The following NCOA6 variants were observed in gnomAD, a reference collection of about 807,000 sequenced individuals.
NCOA6 encodes nuclear receptor coactivator 6, also known as NRC RAP250.
A neutral mutation model predicts 171.4 loss-of-function variants in NCOA6; 49 were observed. The ratio of observed to expected loss-of-function variants is 0.29; its 90% CI spans 0.23 to 0.36. NCOA6 has a LOEUF of 0.36. NCOA6 is among the 10% of genes least tolerant of loss of function. NCOA6 has a pLI of 1.00. For missense variants in NCOA6, 2,248 were observed against 2,554.5 expected, an observed-to-expected ratio of 0.88 and a Z score of 2.59; for synonymous variants, 910 against 927.5, an observed-to-expected ratio of 0.98 and a Z score of 0.34.
intron 1 of NCOA6, among the ~76,000 whole-genome samples, chr20:34,800,180 T>G (rs1288932981): frequency 6.6e-6 from 1 of 152,078 alleles, no homozygotes; most frequent in African/African-American, 2.4e-5. Flanking sequence ...GGTTATGAGA[T>G]ATTATTTGCA....
At chr20:34,748,091 C>T (rs2076358440) in intron 9 of NCOA6, among the ~76,000 whole-genome samples, 2 of 151,950 alleles carry the variant, frequency 1.3e-5, no homozygotes, top group African/African-American at 2.4e-5. Flanking sequence ...AATTTGTAGA[C>T]CTAAGTAACC....
intron 1 of NCOA6, among the ~76,000 whole-genome samples, chr20:34,805,592 A>G (rs1478135758): frequency 6.6e-6 from 1 of 152,118 alleles, no homozygotes; most frequent in Non-Finnish European, 1.5e-5. Context: ...TAAACATGAG[A>G]ATGTAGATGT....
At position 34,742,666 on chromosome 20, in the gene NCOA6, A is replaced by C. The variant is rs773884651; in HGVS notation, c.3590T>G (p.Phe1197Cys). 452 of 1,613,922 alleles carry C rather than the reference A, an allele frequency of 2.8e-4. 1 individual carries two copies. Among genetic ancestry groups the C allele is most frequent in the Non-Finnish European group, 3.7e-4 (440 of 1,180,022 alleles). Residue 1197 changes from phenylalanine to cysteine, a missense_variant, in exon 11 of 15, where the codon TTC (phenylalanine) becomes TGC (cysteine). Coordinates refer to ENST00000359003, the MANE Select transcript of NCOA6 (RefSeq NM_014071.5). ...NSLPSSHGHHFPNVAAPTQTS... is the reference protein window; with the variant it reads ...NSLPSSHGHHCPNVAAPTQTS... ...CTGGGTTGGCGCAGCCACATTTGGG[A>C]AGTGGTGGCCGTGAGAGCTGGGCAG...
At chr20:34,778,919 A>G (rs1488310237) in intron 3 of NCOA6, among the ~76,000 whole-genome samples, 2 of 141,986 alleles carry the variant, frequency 1.4e-5, no homozygotes, top group Non-Finnish European at 3.0e-5. Flanking sequence ...AGATCGCACC[A>G]CTGCACTCCA....
chr20:34,733,327 C>T (rs1470760460), intron 12 of NCOA6, among the ~76,000 whole-genome samples: 1 of 152,186 alleles, frequency 6.6e-6, no homozygotes, highest in African/African-American at 2.4e-5. Flanking sequence ...CTGCCTCTGG[C>T]CTCCCACAGC....
intron 2 of NCOA6, among the ~76,000 whole-genome samples, chr20:34,790,357 T>C (rs1471969274): frequency 6.6e-6 from 1 of 152,032 alleles, no homozygotes; most frequent in African/African-American, 2.4e-5. Flanking sequence ...TATTTATTTA[T>C]TTATTTAATT....
At chr20:34,805,131 T>A (rs1342631119) in intron 1 of NCOA6, among the ~76,000 whole-genome samples, 1 of 151,812 alleles carries the variant, frequency 6.6e-6, no homozygotes, top group East Asian at 1.9e-4. Flanking sequence ...CTCTGCCTCC[T>A]GGTTTCAAGC....
chr20:34,812,460 A>C (rs1360390171), intron 1 of NCOA6, among the ~76,000 whole-genome samples: 1 of 152,166 alleles, frequency 6.6e-6, no homozygotes, highest in African/African-American at 2.4e-5. Flanking sequence ...TTAAGGGATT[A>C]GGAAATATTA....
chr20:34,739,874 G>GT (rs1241972476), intron 11 of NCOA6, among the ~76,000 whole-genome samples: 4 of 152,066 alleles, frequency 2.6e-5, no homozygotes, highest in South Asian at 2.1e-4. Flanking sequence ...TCTCTGTTTT[G>GT]TTTTTTTCAG....
In NCOA6 at chr20:34,792,442, T is replaced by C; in HGVS notation, c.-50+8A>G. The C allele has an allele frequency of 2.5e-6, 1 of 398,208 alleles. No homozygotes were observed. The highest frequency in any genetic ancestry group is 2.1e-5 in the African/African-American group (1 of 48,682). 24.7% of individuals were successfully genotyped at this position (398,208 alleles called of 1,614,324 possible). A position where few individuals can be genotyped will look rare whatever the true frequency, so the allele number is the denominator to read the frequency against. On this transcript the variant is annotated splice_region_variant and intron_variant, in intron 2 of 14. Transcript: ENST00000359003. Reference sequence around the variant, plus strand: ...TTTATTAACTCTCTCGCATAAGGTTTCACTCACCAAAATCTCTTTCTTAAT... The same window carrying C: ...TTTATTAACTCTCTCGCATAAGGTTCCACTCACCAAAATCTCTTTCTTAAT...
intron 2 of NCOA6, among the ~76,000 whole-genome samples, chr20:34,788,716 C>T (rs1305895500): frequency 6.6e-6 from 1 of 152,136 alleles, no homozygotes; most frequent in African/African-American, 2.4e-5. Flanking sequence ...GAGGCCGAAG[C>T]AGGCGGATCA....
chr20:34,722,242 G>A (rs1218348029), intron 14 of NCOA6, among the ~76,000 whole-genome samples: 1 of 151,304 alleles, frequency 6.6e-6, no homozygotes, highest in African/African-American at 2.4e-5. Context: ...TTAGCTGGGT[G>A]TGGTGGTACG....
At chr20:34,800,470 A>G (rs1320198878) in intron 1 of NCOA6, among the ~76,000 whole-genome samples, 1 of 152,108 alleles carries the variant, frequency 6.6e-6, no homozygotes, top group Non-Finnish European at 1.5e-5. Context: ...AGACCCAATG[A>G]TCTGTTGACT....
At chr20:34,794,735 T>C (rs1056027890) in intron 1 of NCOA6, among the ~76,000 whole-genome samples, 1 of 152,148 alleles carries the variant, frequency 6.6e-6, no homozygotes, top group East Asian at 1.9e-4. Flanking sequence ...ATTTAAAAAA[T>C]GATGTTATAC....
intron 14 of NCOA6, among the ~76,000 whole-genome samples, chr20:34,720,331 T>C (rs945451403): frequency 6.6e-6 from 1 of 152,224 alleles, no homozygotes; most frequent in African/African-American, 2.4e-5. Flanking sequence ...TAGCTAATTT[T>C]TGTGTAATTA....
Position 34,742,376 on chromosome 20 carries a change from G to A in NCOA6, c.3880C>T (p.Pro1294Ser). Residue 1294 changes from proline to serine, a missense_variant, in exon 11 of 15, where the codon CCT (proline) becomes TCT (serine). By Grantham distance (74) the Pro-to-Ser change is moderately conservative. Around this residue, in one of 7 missense-constraint regions of NCOA6, gnomAD observed 884 missense variants for 941.9 expected, o/e 0.94. Transcript: ENST00000359003. Reference protein sequence around the residue: ...GQAPSNLTMNPSNFATPQTHK... With the variant: ...GQAPSNLTMNSSNFATPQTHK... ...GTTTGTGGGGTAGCAAAATTGGAAG[G>A]ATTCATGGTAAGATTTGAAGGTGCT... is the stretch of plus-strand genomic sequence containing the variant. 2 of 1,614,216 alleles carry A rather than the reference G, an allele frequency of 1.2e-6. No homozygotes were observed. The highest frequency in any genetic ancestry group is 1.1e-5 in the South Asian group (1 of 91,086).
intron 14 of NCOA6, among the ~76,000 whole-genome samples, chr20:34,724,908 T>A (rs1336678215): frequency 6.6e-6 from 1 of 151,628 alleles, no homozygotes; most frequent in Non-Finnish European, 1.5e-5. Context: ...CCTGCCTCAG[T>A]CTCCTGAATA....
chr20:34,719,044 C>T (rs1411174882), intron 14 of NCOA6, among the ~76,000 whole-genome samples: 3 of 152,152 alleles, frequency 2.0e-5, no homozygotes, highest in Non-Finnish European at 4.4e-5. Flanking sequence ...GTCTTAGAAC[C>T]AACTGGGTGG....
Position 34,782,340 on chromosome 20 carries a change from G to A in NCOA6, c.16C>T (p.Leu6Phe). 1.3e-6 allele frequency: 2 copies of A among 1,598,182 alleles called. No individual in the cohort carries two copies. Among genetic ancestry groups the A allele is most frequent in the Non-Finnish European group, 8.5e-7 (1 of 1,171,476 alleles). ...GTATAGATGTCTTCTAAGTTTGGAA[G>A]GTCATCCAAAACCATGGTGAATATT... MVLDDLPNLEDIYTSL... is the reference protein window; with the variant it reads MVLDDFPNLEDIYTSL... Residue 6 changes from leucine (L) to phenylalanine (F), a missense_variant, in exon 3 of 15, where the codon CTT becomes TTT. By Grantham distance (22) the Leu-to-Phe change is conservative (BLOSUM62 0). This residue lies in a region of NCOA6 where 987 missense variants were observed against 1,104.7 expected (regional missense o/e 0.89). Coordinates refer to ENST00000359003, the MANE Select transcript of NCOA6 (RefSeq NM_014071.5).
Sources: gnomAD v4.1 joint callset for allele counts (sites outside exome capture counted in the v4.1 genomes callset) on GRCh38, gnomAD v4.1.1 for gene constraint, gnomAD v4.1.1 regional missense constraint, MANE v1.5 for transcripts, NCBI Gene and HGNC (gene_info 2026-07-23, HGNC 2026-07-21) for gene names.